Variants in CNTNAP2 observed in about 807,000 individuals in gnomAD.
CNTNAP2 encodes the protein contactin-associated protein-like 2.
CNTNAP2 carries 98 observed loss-of-function variants against 155.2 expected under a neutral mutation model. The observed-to-expected ratio is 0.63, with a 90% confidence interval of 0.54 to 0.75. The LOEUF is 0.75. Among genes scored for constraint, CNTNAP2 ranks in the 30% least tolerant of loss-of-function variants. The probability of loss-of-function intolerance (pLI) is 0.00; values close to 1 mark genes in which losing one functional copy is unlikely to be tolerated. For missense variants in CNTNAP2, 1,727 were observed against 1,688.1 expected (o/e 1.02, Z -0.40); for synonymous variants, 651 against 631.2 (o/e 1.03, Z -0.47).
chr7:147,572,269 T>C (rs1042880281), intron 12 of CNTNAP2, among the ~76,000 whole-genome samples: 2 of 151,728 alleles, frequency 1.3e-5, no homozygotes, highest in African/African-American at 4.8e-5. Context: ...GTTAATACTA[T>C]AGAAGTTCTC....
At chr7:147,251,382 CT>C (rs757562095) in intron 8 of CNTNAP2, among the ~76,000 whole-genome samples, 3 of 152,132 alleles carry the variant, frequency 2.0e-5, no homozygotes, top group Non-Finnish European at 4.4e-5. Context: ...TTCCTATCTC[CT>C]TTATCTTGAT....
At chr7:148,041,402 T>C (rs757698) in intron 15 of CNTNAP2, among the ~76,000 whole-genome samples, 54,373 of 152,058 alleles carry the variant, frequency 0.36, 10,450 homozygotes, top group East Asian at 0.75. Context: ...AGGCACCAAC[T>C]TGAAAAACAT....
intron 1 of CNTNAP2, among the ~76,000 whole-genome samples, chr7:146,333,738 G>A (rs971765047): frequency 1.3e-5 from 2 of 152,132 alleles, no homozygotes; most frequent in Non-Finnish European, 2.9e-5. Context: ...TACAAAACTG[G>A]TACTTTCGGT....
intron 13 of CNTNAP2, among the ~76,000 whole-genome samples, chr7:147,809,961 A>T (rs79413214): frequency 0.024 from 3,648 of 152,262 alleles, 130 homozygotes; most frequent in African/African-American, 0.084. Context: ...TTTACTGGAA[A>T]CTGCCAGCTT....
At chr7:148,241,173 G>A (rs1270523152) in intron 20 of CNTNAP2, among the ~76,000 whole-genome samples, 1 of 152,162 alleles carries the variant, frequency 6.6e-6, no homozygotes. Flanking sequence ...TAAAATTGGA[G>A]TAAGTCCATC....
At chr7:147,088,801 G>A (rs1463072666) in intron 4 of CNTNAP2, among the ~76,000 whole-genome samples, 1 of 152,080 alleles carries the variant, frequency 6.6e-6, no homozygotes. Flanking sequence ...AAAATTAGCT[G>A]GACATGGTGG....
chr7:148,046,338 G>C (rs1802774086), intron 15 of CNTNAP2, among the ~76,000 whole-genome samples: 1 of 152,124 alleles, frequency 6.6e-6, no homozygotes, highest in African/African-American at 2.4e-5. Context: ...GTGTGTATGA[G>C]TGTGTGTATA....
intron 1 of CNTNAP2, among the ~76,000 whole-genome samples, chr7:146,585,466 G>A (rs976779551): frequency 1.3e-5 from 2 of 151,936 alleles, no homozygotes; most frequent in African/African-American, 4.8e-5. Context: ...TTCAGCACCC[G>A]AGCCTTAAAT....
chr7:147,482,634 T>C (rs964202226), intron 10 of CNTNAP2, among the ~76,000 whole-genome samples: 2 of 151,820 alleles, frequency 1.3e-5, no homozygotes, highest in Admixed American at 6.6e-5. Flanking sequence ...GGCAGGAGAA[T>C]GGCGTGAACC....
chr7:148,335,859 G>GTT lies in CNTNAP2; in HGVS notation c.3476-47783_3476-47782dup, dbSNP rs5888319. Among the ~76,000 whole-genome samples the GTT allele has an allele frequency of 1.1e-3, 170 of 151,616 alleles. 2 individuals are homozygous for GTT. Among genetic ancestry groups the GTT allele is most frequent in the Middle Eastern group, 3.4e-3 (1 of 290 alleles). ...TATTCTCCAGGTTTAAATATTGTAC[G>GTT]TTTTTTTTCACAACTTTAACAAATT... On this transcript the variant is annotated intron_variant, in intron 21 of 23. Coordinates refer to ENST00000361727, the MANE Select transcript of CNTNAP2 (RefSeq NM_014141.6).
At chr7:146,810,528 A>T (rs187657423) in intron 2 of CNTNAP2, among the ~76,000 whole-genome samples, 2 of 152,088 alleles carry the variant, frequency 1.3e-5, no homozygotes, top group Non-Finnish European at 2.9e-5. Context: ...TTAGTTTTCT[A>T]GTTATAAAAG....
intron 9 of CNTNAP2, among the ~76,000 whole-genome samples, chr7:147,351,551 G>A (rs1795968288): frequency 6.6e-6 from 1 of 151,656 alleles, no homozygotes; most frequent in South Asian, 2.1e-4. Context: ...TAAAACAGTA[G>A]TATTTGTATT....
chr7:147,482,793 C>T (rs1798446040), intron 10 of CNTNAP2, among the ~76,000 whole-genome samples: 1 of 151,610 alleles, frequency 6.6e-6, no homozygotes, highest in African/African-American at 2.4e-5. Context: ...TGCCTGTAAT[C>T]CCAGCACTCT....
At chr7:146,824,657 CAT>C (rs1189080550) in intron 2 of CNTNAP2, among the ~76,000 whole-genome samples, 1 of 151,996 alleles carries the variant, frequency 6.6e-6, no homozygotes, top group East Asian at 1.9e-4. Flanking sequence ...AGCTTTTTTT[CAT>C]ATGACAAAAA....
At chr7:147,898,133 AAC>A (rs1293852053) in intron 13 of CNTNAP2, among the ~76,000 whole-genome samples, 1 of 152,238 alleles carries the variant, frequency 6.6e-6, no homozygotes, top group Non-Finnish European at 1.5e-5. Flanking sequence ...AAATTAAGTC[AAC>A]ACACAGAAAA....
chr7:146,361,444 A>G (rs1275973546), intron 1 of CNTNAP2, among the ~76,000 whole-genome samples: 1 of 152,112 alleles, frequency 6.6e-6, no homozygotes, highest in Non-Finnish European at 1.5e-5. Flanking sequence ...GATTTAAACT[A>G]CTTTCAATTT....
intron 7 of CNTNAP2, among the ~76,000 whole-genome samples, chr7:147,130,123 T>C (rs950454674): frequency 3.9e-5 from 6 of 152,058 alleles, no homozygotes; most frequent in African/African-American, 1.4e-4. Context: ...GATAAAAAGA[T>C]AGATGTATAG....
At chr7:146,302,752 C>T (rs1800633122) in intron 1 of CNTNAP2, among the ~76,000 whole-genome samples, 1 of 152,086 alleles carries the variant, frequency 6.6e-6, no homozygotes, top group Non-Finnish European at 1.5e-5. Context: ...GAATGTAGAG[C>T]TCTTACCATC....
At chr7:146,458,112 T>C (rs749627306) in intron 1 of CNTNAP2, among the ~76,000 whole-genome samples, 1 of 151,832 alleles carries the variant, frequency 6.6e-6, no homozygotes, top group Non-Finnish European at 1.5e-5. Context: ...TGAGAACACA[T>C]GGAGGGGAAC....
Sources: gnomAD v4.1 joint callset for allele counts (sites outside exome capture counted in the v4.1 genomes callset) on GRCh38, gnomAD v4.1.1 for gene constraint, MANE v1.5 for transcripts, NCBI Gene and HGNC (gene_info 2026-07-23, HGNC 2026-07-21) for gene names.